The following GRM3 variants were observed in gnomAD, a reference collection of about 807,000 sequenced individuals.
GRM3 encodes glutamate metabotropic receptor 3.
A neutral mutation model predicts 70.5 loss-of-function variants in GRM3; 26 were observed. That is an observed-to-expected ratio of 0.37 (90% CI 0.27 to 0.51). The LOEUF (loss-of-function observed/expected upper bound fraction) is 0.51. GRM3 is among the 20% of genes least tolerant of loss of function. The pLI, the probability that GRM3 is intolerant of heterozygous loss-of-function variation, is 0.93. For synonymous variants in GRM3, 443 were observed against 434.9 expected (o/e 1.02, Z -0.23); for missense variants, 859 against 1,123.8 (o/e 0.76, Z 3.37).
chr7:86,685,533 T>C (rs1443222811), intron 1 of GRM3, among the ~76,000 whole-genome samples: 1 of 152,198 alleles, frequency 6.6e-6, no homozygotes, highest in Non-Finnish European at 1.5e-5. Context: ...GATGTCACCT[T>C]AGTGTCAGAC....
At chr7:86,700,385 T>C (rs931480845) in intron 1 of GRM3, among the ~76,000 whole-genome samples, 1 of 151,938 alleles carries the variant, frequency 6.6e-6, no homozygotes, top group Non-Finnish European at 1.5e-5. Context: ...GCATTCAATA[T>C]GGGAGATTTT....
At chr7:86,661,725 AC>A (rs1793898340) in intron 1 of GRM3, among the ~76,000 whole-genome samples, 1 of 151,936 alleles carries the variant, frequency 6.6e-6, no homozygotes, top group Non-Finnish European at 1.5e-5. Flanking sequence ...AGAATAAAAA[AC>A]ATTTTTTCCT....
At chr7:86,739,221 C>T (rs1420859434) in intron 1 of GRM3, among the ~76,000 whole-genome samples, 3 of 152,178 alleles carry the variant, frequency 2.0e-5, no homozygotes, top group Non-Finnish European at 2.9e-5. Flanking sequence ...AGGTGATCTG[C>T]ACACCTTGGT....
intron 5 of GRM3, among the ~76,000 whole-genome samples, chr7:86,858,944 G>T (rs528884093): frequency 2.0e-5 from 3 of 152,300 alleles, no homozygotes. Context: ...AGCAGTCACT[G>T]AGAATTCAGT....
chr7:86,702,109 T>TA (rs895776520), intron 1 of GRM3, among the ~76,000 whole-genome samples: 10 of 151,990 alleles, frequency 6.6e-5, no homozygotes, highest in African/African-American at 2.4e-4. Context: ...AGTAAAATAA[T>TA]AAAAAAAGAA....
At chr7:86,733,882 G>A (rs1292722786) in intron 1 of GRM3, among the ~76,000 whole-genome samples, 1 of 152,222 alleles carries the variant, frequency 6.6e-6, no homozygotes, top group Non-Finnish European at 1.5e-5. Context: ...TCCAAGCGAA[G>A]CACGAGCTCA....
At chr7:86,685,906 C>CAAA (rs71117516) in intron 1 of GRM3, among the ~76,000 whole-genome samples, 53 of 74,370 alleles carry the variant, frequency 7.1e-4, no homozygotes, top group African/African-American at 1.8e-3. Flanking sequence ...ACTCTGTCTC[C>CAAA]AAAAAAAAAA....
chr7:86,654,870 T>A (rs1204795603), intron 1 of GRM3, among the ~76,000 whole-genome samples: 1 of 151,280 alleles, frequency 6.6e-6, no homozygotes, highest in East Asian at 1.9e-4. Flanking sequence ...AATGTAGAAA[T>A]TTTTTTTATA....
chr7:86,724,639 T>C (rs985246200), intron 1 of GRM3, among the ~76,000 whole-genome samples: 5 of 152,128 alleles, frequency 3.3e-5, no homozygotes, highest in Admixed American at 3.3e-4. Flanking sequence ...CACCTGGCAA[T>C]ATTGTTTAAA....
At chr7:86,856,011 A>G (rs1313900094) in intron 5 of GRM3, among the ~76,000 whole-genome samples, 43 of 152,214 alleles carry the variant, frequency 2.8e-4, no homozygotes, top group Admixed American at 2.8e-3. Context: ...TGCCACAGGT[A>G]TATCATACAC....
At position 86,765,319 on chromosome 7, in the gene GRM3, G is replaced by A. The variant is rs1411761878; in HGVS notation, c.174G>A (p.Gly58=). 5.0e-6 allele frequency: 8 copies of A among 1,613,776 alleles called. No homozygotes were observed. The African/African-American group carries it at 9.3e-5, about 19-fold the overall frequency. Residue 58 remains glycine (G), a synonymous_variant, in exon 2 of 6, where the codon GGG becomes GGA. Coordinates refer to ENST00000361669, the MANE Select transcript of GRM3 (RefSeq NM_000840.3). ...NEKGTGTEEC[G]RINEDRGIQR... Reference sequence around the variant, plus strand: ...AAGGCACTGGAACTGAAGAATGTGGGCGAATCAATGAAGACCGAGGGATTC... The same window carrying A: ...AAGGCACTGGAACTGAAGAATGTGGACGAATCAATGAAGACCGAGGGATTC...
chr7:86,827,617 G>A (rs995478456), intron 3 of GRM3, among the ~76,000 whole-genome samples: 4 of 151,732 alleles, frequency 2.6e-5, no homozygotes, highest in Non-Finnish European at 5.9e-5. Flanking sequence ...GCATTCAAGC[G>A]ATTCTCCTGC....
intron 1 of GRM3, among the ~76,000 whole-genome samples, chr7:86,757,526 G>T (rs1165148329): frequency 6.6e-6 from 1 of 152,144 alleles, no homozygotes; most frequent in Admixed American, 6.6e-5. Flanking sequence ...GGCTGGCTTG[G>T]AACTCTAATA....
At chr7:86,759,299 C>T (rs117927135) in intron 1 of GRM3, among the ~76,000 whole-genome samples, 44 of 152,144 alleles carry the variant, frequency 2.9e-4, no homozygotes, top group Admixed American at 5.2e-4. Flanking sequence ...AAAAATCAAC[C>T]GGCAATTCAG....
At chr7:86,648,090 G>C (rs147473648) in intron 1 of GRM3, among the ~76,000 whole-genome samples, 52 of 152,262 alleles carry the variant, frequency 3.4e-4, no homozygotes, top group African/African-American at 1.1e-3. Context: ...AAATACAAAA[G>C]CTTCACACAG....
intron 1 of GRM3, among the ~76,000 whole-genome samples, chr7:86,740,212 A>G (rs1303413077): frequency 6.6e-6 from 1 of 152,196 alleles, no homozygotes; most frequent in African/African-American, 2.4e-5. Flanking sequence ...TGAAGTAATT[A>G]ACAAGAGAGG....
chr7:86,681,422 T>C (rs770465614), intron 1 of GRM3, among the ~76,000 whole-genome samples: 17 of 152,190 alleles, frequency 1.1e-4, no homozygotes, highest in Non-Finnish European at 1.6e-4. Flanking sequence ...TCTTTTTCTA[T>C]ATCATGTCAC....
chr7:86,688,628 C>T (rs537171571), intron 1 of GRM3, among the ~76,000 whole-genome samples: 1 of 150,930 alleles, frequency 6.6e-6, no homozygotes, highest in African/African-American at 2.4e-5. Context: ...ACCAAACTGA[C>T]CTAATTTGGC....
chr7:86,685,322 T>C (rs1794536308), intron 1 of GRM3, among the ~76,000 whole-genome samples: 1 of 152,200 alleles, frequency 6.6e-6, no homozygotes. Context: ...TGTATCATAT[T>C]ACCAGTAAAA....
Sources: gnomAD v4.1 joint callset for allele counts (sites outside exome capture counted in the v4.1 genomes callset) on GRCh38, gnomAD v4.1.1 for gene constraint, MANE v1.5 for transcripts, NCBI Gene and HGNC (gene_info 2026-07-23, HGNC 2026-07-21) for gene names.